PSPC1: variants seen among roughly 807,000 people sequenced by gnomAD.
PSPC1 encodes the protein paraspeckle protein 1.
In PSPC1, 14 loss-of-function variants were observed where a neutral mutation model predicts 51.6. That is an observed-to-expected ratio of 0.27 (90% CI 0.18 to 0.42). The LOEUF is 0.42. PSPC1 is among the 10% of genes least tolerant of loss of function. The pLI is 1.00. For missense variants in PSPC1, 406 were observed against 701.1 expected (o/e 0.58, Z 4.75); for synonymous variants, 193 against 231.9 (o/e 0.83, Z 1.53).
rs1400747168 is a variant in PSPC1 at position 19,748,785 on chromosome 13, G to A, written c.967+2486C>T. Among the ~76,000 whole-genome samples the A allele has an allele frequency of 3.4e-5, 5 of 148,770 alleles. No homozygotes were observed. In the South Asian group the frequency reaches 1.1e-3, roughly 33 times the overall value. On this transcript the variant is annotated intron_variant, in intron 4 of 8. Transcript: ENST00000338910. ...AAAATGGCAGAGAAGTGCCTAGCAGGCTAAGAGAAAACAATTCATATTGAA... is the reference window on the plus strand; with the variant it reads ...AAAATGGCAGAGAAGTGCCTAGCAGACTAAGAGAAAACAATTCATATTGAA...
intron 4 of PSPC1, among the ~76,000 whole-genome samples, chr13:19,747,839 A>G (rs1454244898): frequency 6.6e-6 from 1 of 152,212 alleles, no homozygotes; most frequent in Non-Finnish European, 1.5e-5. Context: ...GTCATGATAC[A>G]TGTTTCTGCG....
Position 19,751,356 on chromosome 13 carries a change from A to G in PSPC1, c.882T>C (p.Asp294=), listed in dbSNP as rs751398299. Reference sequence around the variant, plus strand: ...TCTCTTTGGCTTCTCTGATGTTTCTATCAACCTGCTCACGCTGCTGCTTTT... The same window carrying G: ...TCTCTTTGGCTTCTCTGATGTTTCTGTCAACCTGCTCACGCTGCTGCTTTT... ...EMEKQQREQV[D]RNIREAKEKL... The change falls in exon 4 of 9, where the codon GAT becomes GAC. Residue 294 remains aspartate, a synonymous_variant. Transcript: ENST00000338910. The G allele has an allele frequency of 1.6e-5, 25 of 1,590,014 alleles. No homozygotes were observed. Among genetic ancestry groups the G allele is most frequent in the Non-Finnish European group, 2.1e-5 (25 of 1,172,690 alleles).
chr13:19,689,820 G>A (rs797009768), intron 6 of PSPC1, among the ~76,000 whole-genome samples: 1 of 152,136 alleles, frequency 6.6e-6, no homozygotes, highest in South Asian at 2.1e-4. Context: ...GAAAACATTT[G>A]AAATCACCAT....
chr13:19,705,375 C>A (rs1406212096), intron 8 of PSPC1, among the ~76,000 whole-genome samples: 1 of 152,138 alleles, frequency 6.6e-6, no homozygotes, highest in African/African-American at 2.4e-5. Flanking sequence ...CGCCTGTAGC[C>A]CCAACTACTC....
At chr13:19,735,267 C>T (rs868334195) in intron 5 of PSPC1, among the ~76,000 whole-genome samples, 10 of 152,204 alleles carry the variant, frequency 6.6e-5, no homozygotes, top group South Asian at 2.1e-4. Context: ...ACCGAGATCG[C>T]GCCACCGCAC....
At chr13:19,707,432 T>C (rs1201800782) in intron 7 of PSPC1, among the ~76,000 whole-genome samples, 1 of 152,222 alleles carries the variant, frequency 6.6e-6, no homozygotes, top group African/African-American at 2.4e-5. Flanking sequence ...ACACTAGTGA[T>C]ACACCAGAAA....
At chr13:19,729,907 A>G (rs1269565805) in intron 6 of PSPC1, among the ~76,000 whole-genome samples, 1 of 152,202 alleles carries the variant, frequency 6.6e-6, no homozygotes, top group African/African-American at 2.4e-5. Flanking sequence ...CTTCCAAAAT[A>G]GAGATGTTTC....
chr13:19,773,528 G>A (rs1472031144), intron 1 of PSPC1, among the ~76,000 whole-genome samples: 6 of 151,910 alleles, frequency 3.9e-5, no homozygotes, highest in African/African-American at 7.2e-5. Context: ...GTGAGCCACC[G>A]CACCCGGCCT....
At chr13:19,765,497 ATTTTTTT>A (rs68120306) in intron 2 of PSPC1, among the ~76,000 whole-genome samples, 2 of 124,368 alleles carry the variant, frequency 1.6e-5, no homozygotes, top group Admixed American at 8.4e-5. Flanking sequence ...AAGGGATCTA[ATTTTTTT>A]TTTTTTTTTT....
chr13:19,771,379 C>G (rs972761788), intron 2 of PSPC1, among the ~76,000 whole-genome samples: 3 of 152,110 alleles, frequency 2.0e-5, no homozygotes, highest in African/African-American at 7.2e-5. Context: ...CTCAGGCAAT[C>G]CACCCGCCTG....
At chr13:19,748,945 C>T (rs1886261170) in intron 4 of PSPC1, among the ~76,000 whole-genome samples, 1 of 151,950 alleles carries the variant, frequency 6.6e-6, no homozygotes, top group South Asian at 2.1e-4. Flanking sequence ...CACGGTGGCT[C>T]ATATCTGTAA....
chr13:19,730,969 A>AAAAAAAAAAAAAAAAAAAAC (rs1884023504), intron 5 of PSPC1, among the ~76,000 whole-genome samples: 2 of 146,608 alleles, frequency 1.4e-5, no homozygotes, highest in Non-Finnish European at 3.0e-5. Flanking sequence ...AAAAAACAAA[A>AAAAAAAAAAAAAAAAAAAAC]AAAAAAAAAA....
chr13:19,743,816 TACCTG>T (rs1258500699), intron 4 of PSPC1, among the ~76,000 whole-genome samples: 3 of 152,314 alleles, frequency 2.0e-5, no homozygotes, highest in East Asian at 3.9e-4. Flanking sequence ...ATTACTTAAA[TACCTG>T]ACCAGTATTT....
At chr13:19,671,359 GA>G (rs999867757), downstream of PSPC1, 14 of 1,422,438 alleles carry the variant, frequency 9.8e-6, no homozygotes, top group African/African-American at 4.3e-5. Context: ...ATCAACATTA[GA>G]AAAAAAATTC....
rs189657695 is a variant in PSPC1, at chr13:19,711,531, G to A, written c.1159-1932C>T. Among the ~76,000 whole-genome samples, 701 of 151,912 alleles carry A rather than the reference G, an allele frequency of 4.6e-3. 5 individuals carry two copies. The highest frequency in any genetic ancestry group is 0.027 in the South Asian group (131 of 4,800). On this transcript the variant is annotated intron_variant, in intron 6 of 8. Coordinates refer to ENST00000338910, the MANE Select transcript of PSPC1 (RefSeq NM_001354909.2). Reference sequence around the variant, plus strand: ...CAGGCGCCCGTAGTCCCAACTATTCGGGAGGCTGAGGCAGGAGAATTGCGG... The same window carrying A: ...CAGGCGCCCGTAGTCCCAACTATTCAGGAGGCTGAGGCAGGAGAATTGCGG...
At chr13:19,780,555 GTTA>G (rs1231770322) in intron 1 of PSPC1, among the ~76,000 whole-genome samples, 15 of 94,196 alleles carry the variant, frequency 1.6e-4, no homozygotes, top group Admixed American at 2.6e-4. Context: ...TCCACTCAGG[GTTA>G]AATGGATTAA....
At chr13:19,736,615 A>G (rs577063531) in intron 5 of PSPC1, among the ~76,000 whole-genome samples, 98 of 152,220 alleles carry the variant, frequency 6.4e-4, no homozygotes, top group Middle Eastern at 3.4e-3. Flanking sequence ...CCTGGGAGGC[A>G]GAGCTTGCAG....
intron 6 of PSPC1, among the ~76,000 whole-genome samples, chr13:19,687,434 G>A (rs1878036864): frequency 6.6e-6 from 1 of 152,006 alleles, no homozygotes; most frequent in Non-Finnish European, 1.5e-5. Flanking sequence ...ATTTGACACT[G>A]GCAAACTTTT....
intron 6 of PSPC1, among the ~76,000 whole-genome samples, chr13:19,719,951 G>T (rs1449563921): frequency 2.0e-5 from 3 of 151,992 alleles, no homozygotes; most frequent in Non-Finnish European, 4.4e-5. Context: ...CAAGTAGCTG[G>T]GACTACAAGG....
Sources: allele counts gnomAD v4.1 joint callset (sites outside exome capture counted in the v4.1 genomes callset), GRCh38; gene constraint gnomAD v4.1.1; transcripts MANE v1.5; gene names NCBI Gene and HGNC (gene_info 2026-07-23, HGNC 2026-07-21).